The following TTLL5 variants were observed in gnomAD, a reference collection of about 807,000 sequenced individuals.
TTLL5 encodes the protein tubulin tyrosine ligase like 5.
A neutral mutation model predicts 168.4 loss-of-function variants in TTLL5; 132 were observed. The ratio of observed to expected loss-of-function variants is 0.78; its 90% CI spans 0.68 to 0.91. The LOEUF is 0.91. Among genes scored for constraint, TTLL5 ranks in the 40% least tolerant of loss-of-function variants. The pLI is 0.00. For synonymous variants in TTLL5, 546 were observed against 558.6 expected, an observed-to-expected ratio of 0.98 and a Z score of 0.32; for missense variants, 1,545 against 1,581.5, an observed-to-expected ratio of 0.98 and a Z score of 0.39.
At chr14:75,804,681 C>G (rs1893546967) in intron 27 of TTLL5, among the ~76,000 whole-genome samples, 2 of 152,110 alleles carry the variant, frequency 1.3e-5, no homozygotes, top group Non-Finnish European at 2.9e-5. Flanking sequence ...TTTCCCATTT[C>G]TAGAAGCAGG....
chr14:75,694,915 G>A (rs896372405), intron 6 of TTLL5, among the ~76,000 whole-genome samples: 1 of 152,124 alleles, frequency 6.6e-6, no homozygotes, highest in African/African-American at 2.4e-5. Context: ...TGTCGCCTCA[G>A]GACCCTGTGA....
chr14:75,832,993 G>A (rs1429477799), intron 28 of TTLL5, among the ~76,000 whole-genome samples: 1 of 152,096 alleles, frequency 6.6e-6, no homozygotes, highest in African/African-American at 2.4e-5. Flanking sequence ...AGTTTCAGCG[G>A]GAATTGCTGT....
At chr14:75,662,332 T>G (rs866471450) in intron 1 of TTLL5, among the ~76,000 whole-genome samples, 18 of 146,356 alleles carry the variant, frequency 1.2e-4, no homozygotes, top group African/African-American at 3.0e-4. Context: ...TTTTGTTGTT[T>G]TTTTTTTTTT....
At position 75,915,021 on chromosome 14, in the gene TTLL5, C is replaced by T. The variant is rs979436746; in HGVS notation, c.3823+12797C>T. Among the ~76,000 whole-genome samples, 4 of 152,176 alleles carry T rather than the reference C, an allele frequency of 2.6e-5. No individual in the cohort carries two copies. In the South Asian group the frequency reaches 8.3e-4, roughly 32 times the overall value. ...CAGTATGAAGATGTTCCATTTTAGA[C>T]CACATTCAAGAATCTCATTATAAGG... On this transcript the variant is annotated intron_variant, in intron 31 of 31. Coordinates refer to ENST00000298832, the MANE Select transcript of TTLL5 (RefSeq NM_015072.5).
chr14:75,888,799 G>C (rs568773256), intron 30 of TTLL5, among the ~76,000 whole-genome samples: 1 of 152,060 alleles, frequency 6.6e-6, no homozygotes, highest in Non-Finnish European at 1.5e-5. Context: ...GCTGGGCATG[G>C]TGGCAGGTGC....
intron 31 of TTLL5, among the ~76,000 whole-genome samples, chr14:75,906,011 A>C (rs1410499291): frequency 6.6e-6 from 1 of 152,216 alleles, no homozygotes; most frequent in Non-Finnish European, 1.5e-5. Context: ...TTCTGGCCCT[A>C]GTAAAATGTA....
intron 31 of TTLL5, among the ~76,000 whole-genome samples, chr14:75,904,452 T>G (rs1233055626): frequency 6.6e-6 from 1 of 152,128 alleles, no homozygotes; most frequent in East Asian, 1.9e-4. Context: ...CGTGTCTGAT[T>G]GATAAATTAA....
chr14:75,894,242 G>T (rs1452553991), intron 30 of TTLL5, among the ~76,000 whole-genome samples: 3 of 152,118 alleles, frequency 2.0e-5, no homozygotes, highest in African/African-American at 4.8e-5. Context: ...TTAATTCAGT[G>T]GAAGATAGGA....
At chr14:75,811,662 T>C (rs1241774156) in intron 27 of TTLL5, among the ~76,000 whole-genome samples, 1 of 152,222 alleles carries the variant, frequency 6.6e-6, no homozygotes, top group Non-Finnish European at 1.5e-5. Context: ...TTACCTGTGA[T>C]AGGCAATACA....
intron 20 of TTLL5, among the ~76,000 whole-genome samples, chr14:75,768,488 C>T (rs1358279011): frequency 3.3e-5 from 5 of 151,186 alleles, no homozygotes; most frequent in Admixed American, 6.6e-5. Flanking sequence ...CTAAAAGAAA[C>T]GGATTTTTTT....
At chr14:75,840,322 C>T (rs1896152089) in intron 28 of TTLL5, among the ~76,000 whole-genome samples, 1 of 152,110 alleles carries the variant, frequency 6.6e-6, no homozygotes, top group South Asian at 2.1e-4. Flanking sequence ...TGGTTTGCTG[C>T]ACCTATCAAC....
At chr14:75,821,561 C>T (rs1894832954) in intron 28 of TTLL5, among the ~76,000 whole-genome samples, 1 of 152,092 alleles carries the variant, frequency 6.6e-6, no homozygotes, top group African/African-American at 2.4e-5. Context: ...ATGTTAAAAC[C>T]ACACATTTTG....
At chr14:75,812,299 G>A (rs1894092920) in intron 27 of TTLL5, among the ~76,000 whole-genome samples, 1 of 152,182 alleles carries the variant, frequency 6.6e-6, no homozygotes, top group Non-Finnish European at 1.5e-5. Flanking sequence ...AGCTTAGGTG[G>A]AGGTAGGATC....
At chr14:75,721,283 G>T (rs1887819674) in intron 12 of TTLL5, among the ~76,000 whole-genome samples, 1 of 152,062 alleles carries the variant, frequency 6.6e-6, no homozygotes, top group African/African-American at 2.4e-5. Context: ...ACAGAATCAG[G>T]AAATGTTACC....
Position 75,925,625 on chromosome 14 carries a change from C to T in TTLL5, c.3823+23401C>T, listed in dbSNP as rs1319608008. Among the ~76,000 whole-genome samples the T allele has an allele frequency of 5.3e-5, 8 of 152,034 alleles. No homozygotes were observed. In the East Asian group the frequency reaches 5.8e-4, roughly 11 times the overall value. On this transcript the variant is annotated intron_variant, in intron 31 of 31. Coordinates refer to ENST00000298832, the MANE Select transcript of TTLL5 (RefSeq NM_015072.5). ...CAGACGATGGGCGGCCAGGCAGAGA[C>T]GCTCCTCACTTCCCAGACGGGCTGG...
chr14:75,776,618 A>G, intron 22 of TTLL5, 129 bp from the exon 23 acceptor site: 2 of 549,486 alleles, frequency 3.6e-6, no homozygotes, highest in Non-Finnish European at 6.2e-6. Flanking sequence ...AAAAGTACAT[A>G]CAAGAATTAA....
chr14:75,721,837 T>C (rs928833493), intron 12 of TTLL5, among the ~76,000 whole-genome samples: 2 of 152,226 alleles, frequency 1.3e-5, no homozygotes, highest in Non-Finnish European at 2.9e-5. Context: ...TAACAGGCTA[T>C]ATTTGAGGGT....
intron 29 of TTLL5, among the ~76,000 whole-genome samples, chr14:75,874,145 GC>G (rs1490131296): frequency 2.6e-5 from 4 of 152,006 alleles, no homozygotes; most frequent in African/African-American, 9.7e-5. Context: ...AGGCTGGGGT[GC>G]AGTGGCTCGA....
intron 6 of TTLL5, among the ~76,000 whole-genome samples, chr14:75,694,018 C>CT (rs2140143564): frequency 6.6e-6 from 1 of 152,330 alleles, no homozygotes; most frequent in Non-Finnish European, 1.5e-5. Context: ...CAACTCAGAT[C>CT]TTTCTACTCC....
Sources: allele counts gnomAD v4.1 joint callset (sites outside exome capture counted in the v4.1 genomes callset), GRCh38; gene constraint gnomAD v4.1.1; transcripts MANE v1.5; gene names NCBI Gene and HGNC (gene_info 2026-07-23, HGNC 2026-07-21).